The following STOM variants were observed in gnomAD, a reference collection of about 807,000 sequenced individuals.
The protein encoded by STOM is erythrocyte band 7 integral membrane protein.
In STOM, 25 loss-of-function variants were observed where a neutral mutation model predicts 30.6. The ratio of observed to expected loss-of-function variants is 0.82; its 90% CI spans 0.60 to 1.14. STOM has a LOEUF of 1.14. Ranked by LOEUF, STOM falls within the 50% of genes most tolerant of loss-of-function variation. The pLI is 0.00. For missense variants in STOM, 292 were observed against 365.2 expected, an observed-to-expected ratio of 0.80 and a Z score of 1.63; for synonymous variants, 118 against 130.8, an observed-to-expected ratio of 0.90 and a Z score of 0.67.
At chr9:121,367,477 GA>G (rs1392835753) in intron 1 of STOM, among the ~76,000 whole-genome samples, 2 of 152,182 alleles carry the variant, frequency 1.3e-5, no homozygotes, top group Non-Finnish European at 2.9e-5. Flanking sequence ...ATTAATTATT[GA>G]AGAAGTTACA....
chr9:121,352,854 G>A (rs1231590839), intron 4 of STOM, among the ~76,000 whole-genome samples: 1 of 152,168 alleles, frequency 6.6e-6, no homozygotes, highest in African/African-American at 2.4e-5. Flanking sequence ...CAGCACTTTA[G>A]GAGGCCAGAA....
chr9:121,340,746 A>C lies in STOM; in HGVS notation c.*456T>G. 1 of 991,436 alleles carries C rather than the reference A, an allele frequency of 1.0e-6. No homozygotes were observed. Among genetic ancestry groups the C allele is most frequent in the Admixed American group, 5.7e-5 (1 of 17,548 alleles). 61.4% of individuals were successfully genotyped at this position (991,436 alleles called of 1,614,324 possible). A position where few individuals can be genotyped will look rare whatever the true frequency, so the allele number is the denominator to read the frequency against. ...GCCTGGGCAACAAGAGTGAAACTCC[A>C]TCTCAGAAAAAAAAAAAAAAAGACT... On this transcript the variant is annotated 3_prime_UTR_variant, in exon 7 of 7. Coordinates refer to ENST00000286713, the MANE Select transcript of STOM (RefSeq NM_004099.6).
At chr9:121,353,741 C>T (rs1313683011) in intron 3 of STOM, among the ~76,000 whole-genome samples, 1 of 152,182 alleles carries the variant, frequency 6.6e-6, no homozygotes. Flanking sequence ...TGCACTCTTG[C>T]TGGACTGATC....
rs746796025 is a variant in STOM at position 121,341,273 on chromosome 9, T to C, written c.796A>G (p.Thr266Ala). ...LTTIAAEKNS[T>A]IVFPLPIDML... is the part of the protein sequence containing the mutation. ...TCTATGGGCAGAGGGAAGACAATTG[T>C]TGAGTTTTTCTCAGCAGCAATGGTG... is the stretch of plus-strand genomic sequence containing the variant. The change falls in exon 7 of 7, where the codon ACA (threonine) becomes GCA (alanine). Residue 266 changes from threonine to alanine, a missense_variant. Physicochemically the swap from Thr to Ala is moderately conservative, Grantham distance 58. Coordinates refer to ENST00000286713, the MANE Select transcript of STOM (RefSeq NM_004099.6). The C allele has an allele frequency of 3.5e-5, 56 of 1,614,068 alleles. No individual in the cohort carries two copies. The highest frequency in any genetic ancestry group is 4.7e-5 in the Non-Finnish European group (55 of 1,180,036).
chr9:121,346,717 T>C (rs1161393218), intron 6 of STOM, among the ~76,000 whole-genome samples: 1 of 152,202 alleles, frequency 6.6e-6, no homozygotes, highest in Non-Finnish European at 1.5e-5. Flanking sequence ...CAGGTTATCA[T>C]CACAAAGCAA....
At chr9:121,350,933 T>C (rs1589290708) in intron 4 of STOM, among the ~76,000 whole-genome samples, 1 of 152,240 alleles carries the variant, frequency 6.6e-6, no homozygotes. Flanking sequence ...GTATGAAAAC[T>C]AATTATTTCC....
rs115702601 is a variant in STOM, at chr9:121,348,090, C to T, written c.585G>A (p.Lys195=). ...GGAGCTGCACAGGTAGTTTCACATC[C>T]TTAATTTCCACACGCTCCACCTTTA... ...WGIKVERVEI[K]DVKLPVQLQR... Residue 195 remains lysine, a synonymous_variant, in exon 6 of 7, where the codon AAG becomes AAA. Coordinates refer to ENST00000286713, the MANE Select transcript of STOM (RefSeq NM_004099.6). The T allele has an allele frequency of 7.3e-4, 1,172 of 1,614,218 alleles. 2 individuals are homozygous for T. In the African/African-American group the frequency reaches 0.012, roughly 17 times the overall value.
chr9:121,354,672 A>G lies in STOM; in HGVS notation c.167T>C (p.Ile56Thr), dbSNP rs771851039. Residue 56 changes from isoleucine to threonine, a missense_variant and splice_region_variant, in exon 3 of 7, where the codon ATT becomes ACT. By Grantham distance (89) the Ile-to-Thr change is moderately conservative (BLOSUM62 -1). Transcript: ENST00000286713. ...FPISIWMCIK[I>T]IKEYERAIIF... The stretch of plus-strand genomic sequence containing the variant: ...GATGGCTCTTTCATACTCTTTTATA[A>G]TCTAGAATAAAAACATGAATAATAA... 16 of 1,597,558 alleles carry G rather than the reference A, an allele frequency of 1.0e-5. No homozygotes were observed. Among genetic ancestry groups the G allele is most frequent in the Non-Finnish European group, 1.4e-5 (16 of 1,170,658 alleles).
At position 121,340,843 on chromosome 9, in the gene STOM, T is replaced by G. The variant is rs1057297842; in HGVS notation, c.*359A>C. Reference sequence around the variant, plus strand: ...AAGGTCATCACTTTCTGCAAAGCATTTAGCCAGTCAGCGGTGTCAGGTGGC... The same window carrying G: ...AAGGTCATCACTTTCTGCAAAGCATGTAGCCAGTCAGCGGTGTCAGGTGGC... On this transcript the variant is annotated 3_prime_UTR_variant, in exon 7 of 7. Coordinates refer to ENST00000286713, the MANE Select transcript of STOM (RefSeq NM_004099.6). 15 of 1,103,716 alleles carry G rather than the reference T, an allele frequency of 1.4e-5. No individual in the cohort carries two copies. The highest frequency in any genetic ancestry group is 1.7e-5 in the Non-Finnish European group (15 of 900,188). The allele number at this position is 1,103,716 out of a possible 1,614,324, so 68.4% of individuals were successfully genotyped here.
At chr9:121,344,416 C>T (rs1189274598) in intron 6 of STOM, among the ~76,000 whole-genome samples, 1 of 152,178 alleles carries the variant, frequency 6.6e-6, no homozygotes, top group African/African-American at 2.4e-5. Flanking sequence ...AATACACAAT[C>T]GCTTGGCTGA....
chr9:121,351,742 G>A (rs1005326519), intron 4 of STOM, among the ~76,000 whole-genome samples: 1 of 152,202 alleles, frequency 6.6e-6, no homozygotes, highest in Non-Finnish European at 1.5e-5. Flanking sequence ...ACTGTAATCT[G>A]GAGGAATTCC....
Position 121,340,951 on chromosome 9 carries a change from T to C in STOM, c.*251A>G. 1 of 1,308,526 alleles carries C rather than the reference T, an allele frequency of 7.6e-7. No individual in the cohort carries two copies. Among genetic ancestry groups the C allele is most frequent in the Non-Finnish European group, 9.8e-7 (1 of 1,021,726 alleles). 81.1% of individuals were successfully genotyped at this position (1,308,526 alleles called of 1,614,324 possible). On this transcript the variant is annotated 3_prime_UTR_variant, in exon 7 of 7. Transcript: ENST00000286713. ...AGTGGAAGTCAAAACAAGAGGGATC[T>C]AACCTACTACATAATAATCTAAAAA...
At position 121,360,120 on chromosome 9, in the gene STOM, CTT is replaced by C. The variant is rs2064435836; in HGVS notation, c.62-3966_62-3965del. 2.0e-5 allele frequency among the ~76,000 whole-genome samples: 3 copies of C among 152,258 alleles called. No homozygotes were observed. The South Asian group carries it at 6.2e-4, about 32-fold the overall frequency. On this transcript the variant is annotated intron_variant, in intron 1 of 6. Coordinates refer to ENST00000286713, the MANE Select transcript of STOM (RefSeq NM_004099.6). ...TGAGGGCAGGGATGTTGCTTATTCA[CTT>C]TTATATTCTCAATGTCTAGCACAGT...
chr9:121,352,734 C>A lies in STOM; in HGVS notation c.321+486G>T, dbSNP rs2772204. The stretch of plus-strand genomic sequence containing the variant: ...TATTTTCTGGATGAGGAAACTGAGG[C>A]ACAGAAAAGTTAAAGAACTTGCTTA... On this transcript the variant is annotated intron_variant, in intron 4 of 6. Coordinates refer to ENST00000286713, the MANE Select transcript of STOM (RefSeq NM_004099.6). Among the ~76,000 whole-genome samples, 1,195 of 152,282 alleles carry A rather than the reference C, an allele frequency of 7.8e-3. 9 individuals are homozygous for A. The highest frequency in any genetic ancestry group is 0.025 in the African/African-American group (1,035 of 41,548).
At chr9:121,352,867 G>T (rs1159225542) in intron 4 of STOM, among the ~76,000 whole-genome samples, 2 of 152,138 alleles carry the variant, frequency 1.3e-5, no homozygotes, top group Non-Finnish European at 2.9e-5. Flanking sequence ...GGCCAGAACG[G>T]ATCACCTGAG....
rs772566131 is a variant in STOM at position 121,370,215 on chromosome 9, C to G, written c.-28G>C. ...TGCCCGAGACGCAGTCGCACTCCCC[C>G]GTCCTCGTTGCCAAACCCGGAGCCG... On this transcript the variant is annotated 5_prime_UTR_variant, in exon 1 of 7. Transcript: ENST00000286713. 52 of 1,543,172 alleles carry G rather than the reference C, an allele frequency of 3.4e-5. No homozygotes were observed. The highest frequency in any genetic ancestry group is 9.5e-5 in the South Asian group (8 of 83,804).
At position 121,354,594 on chromosome 9, in the gene STOM, T is replaced by G; in HGVS notation, c.238+7A>C. On this transcript the variant is annotated splice_region_variant and intron_variant, in intron 3 of 6. Transcript: ENST00000286713. ...TCAGATAAACAATCTAGAATCCCAG[T>G]ACTGACCAGGTCCTTTGGCTCCTCC... 6.2e-7 allele frequency: 1 copy of G among 1,603,994 alleles called. No individual in the cohort carries two copies. Among genetic ancestry groups the G allele is most frequent in the Non-Finnish European group, 8.5e-7 (1 of 1,173,438 alleles).
Position 121,352,383 on chromosome 9 carries a change from A to G in STOM, c.321+837T>C, listed in dbSNP as rs1050709752. On this transcript the variant is annotated intron_variant, in intron 4 of 6. Transcript: ENST00000286713. ...ATAATCTATGTACATTTTCCTGTACACTTTAAATCATCTCTAGATTACTTC... is the reference window on the plus strand; with the variant it reads ...ATAATCTATGTACATTTTCCTGTACGCTTTAAATCATCTCTAGATTACTTC... Among the ~76,000 whole-genome samples the G allele has an allele frequency of 1.4e-4, 21 of 152,152 alleles. 1 individual carries two copies. The highest frequency in any genetic ancestry group is 4.6e-4 in the African/African-American group (19 of 41,424).
At chr9:121,342,379 A>C (rs1355299444) in intron 6 of STOM, among the ~76,000 whole-genome samples, 4 of 152,170 alleles carry the variant, frequency 2.6e-5, no homozygotes, top group South Asian at 4.1e-4. Flanking sequence ...AAAAAAAAAA[A>C]AAAATTGACT....
Sources: gnomAD v4.1 joint callset for allele counts (sites outside exome capture counted in the v4.1 genomes callset) on GRCh38, gnomAD v4.1.1 for gene constraint, MANE v1.5 for transcripts, NCBI Gene and HGNC (gene_info 2026-07-23, HGNC 2026-07-21) for gene names.